The following PACRG variants were observed in gnomAD, a reference collection of about 807,000 sequenced individuals.
PACRG encodes parkin coregulated.
PACRG carries 29 observed loss-of-function variants against 29.7 expected under a neutral mutation model. The ratio of observed to expected loss-of-function variants is 0.98; its 90% CI spans 0.73 to 1.33. The LOEUF (loss-of-function observed/expected upper bound fraction) is 1.33, where lower values mean the gene tolerates loss of function less well. Among genes scored for constraint, PACRG ranks in the 40% most tolerant of loss-of-function variants. PACRG has a pLI of 0.00. For missense variants in PACRG, 279 were observed against 316.2 expected (o/e 0.88, Z 0.89); for synonymous variants, 116 against 118.7 (o/e 0.98, Z 0.15).
At chr6:163,151,634 A>G (rs1778096832) in intron 4 of PACRG, among the ~76,000 whole-genome samples, 1 of 152,234 alleles carries the variant, frequency 6.6e-6, no homozygotes, top group South Asian at 2.1e-4. Flanking sequence ...AGATAGAATT[A>G]TCTCACTTTT....
At chr6:162,917,199 G>A (rs2048695) in intron 2 of PACRG, among the ~76,000 whole-genome samples, 69,938 of 151,882 alleles carry the variant, frequency 0.46, 17,281 homozygotes, top group Middle Eastern at 0.54. Flanking sequence ...GGCCAATAAT[G>A]TCTCCATTAT....
chr6:163,263,178 T>TTCAAACCCGTTACTTGCG (rs1464950009), intron 4 of PACRG, among the ~76,000 whole-genome samples: 2 of 146,074 alleles, frequency 1.4e-5, no homozygotes, highest in Non-Finnish European at 3.0e-5. Context: ...CAGGAGGCCT[T>TTCAAACCCGTTACTTGCG]TCAAACCCGT....
At chr6:162,908,560 CT>C (rs1796089975) in intron 2 of PACRG, among the ~76,000 whole-genome samples, 1 of 152,232 alleles carries the variant, frequency 6.6e-6, no homozygotes, top group Admixed American at 6.5e-5. Context: ...ATTCTACAAC[CT>C]CAGTAGAGAC....
rs539506237 is a variant in PACRG at position 162,943,203 on chromosome 6, A to G, written c.292-118947A>G. On this transcript the variant is annotated intron_variant, in intron 2 of 4. Transcript: ENST00000366888. ...CCCTTATGTCTTAAGTGGCTACAAC[A>G]AAGTGCCACTTTGAGAGCCCAGCCC... is the stretch of plus-strand genomic sequence containing the variant. Among the ~76,000 whole-genome samples, 14 of 152,276 alleles carry G rather than the reference A, an allele frequency of 9.2e-5. No homozygotes were observed. In the East Asian group the frequency reaches 2.7e-3, roughly 30 times the overall value.
chr6:163,219,592 C>T (rs13197722), intron 4 of PACRG, among the ~76,000 whole-genome samples: 46,413 of 152,032 alleles, frequency 0.31, 7,638 homozygotes, highest in East Asian at 0.6. Flanking sequence ...AAATCCTCCT[C>T]CCCACTGCGG....
At chr6:162,973,674 C>T (rs1801713437) in intron 2 of PACRG, among the ~76,000 whole-genome samples, 1 of 152,062 alleles carries the variant, frequency 6.6e-6, no homozygotes, top group South Asian at 2.1e-4. Context: ...TTATGTTGTA[C>T]TAAGTCATTG....
At chr6:163,273,081 G>C (rs1482087954) in intron 4 of PACRG, among the ~76,000 whole-genome samples, 1 of 148,036 alleles carries the variant, frequency 6.8e-6, no homozygotes, top group Admixed American at 6.6e-5. Context: ...TTTTAGTAGA[G>C]ACGGGGTTTC....
At chr6:162,852,805 AT>A (rs1426281797) in intron 2 of PACRG, among the ~76,000 whole-genome samples, 7 of 152,248 alleles carry the variant, frequency 4.6e-5, no homozygotes, top group Admixed American at 3.9e-4. Flanking sequence ...TATCCTGAGA[AT>A]TATATGCCAA....
intron 2 of PACRG, among the ~76,000 whole-genome samples, chr6:163,040,852 T>C (rs1428320188): frequency 2.0e-5 from 3 of 152,216 alleles, no homozygotes; most frequent in African/African-American, 7.2e-5. Context: ...GGAAGGTACT[T>C]GCCTTTTTTC....
chr6:162,812,091 G>T (rs1008552616), intron 1 of PACRG, among the ~76,000 whole-genome samples: 3 of 152,080 alleles, frequency 2.0e-5, no homozygotes, highest in African/African-American at 7.2e-5. Context: ...GAAGGTTAAG[G>T]GGAAGAAAGA....
chr6:162,814,372 C>G, intron 2 of PACRG, 91 bp downstream of exon 2: 1 of 1,494,324 alleles, frequency 6.7e-7, no homozygotes, highest in Non-Finnish European at 9.1e-7. Flanking sequence ...AGTAAATAAA[C>G]TGGAGTCATT....
chr6:163,096,371 G>A (rs991036418), intron 4 of PACRG, among the ~76,000 whole-genome samples: 5 of 152,104 alleles, frequency 3.3e-5, no homozygotes, highest in African/African-American at 1.2e-4. Context: ...CTGCCTAAAG[G>A]GGTTTGTACC....
chr6:162,747,432 GTAAAACTA>G (rs1303760466), intron 1 of PACRG, among the ~76,000 whole-genome samples: 1 of 66,754 alleles, frequency 1.5e-5, no homozygotes, highest in African/African-American at 6.7e-5. Flanking sequence ...AAATATATAT[GTAAAACTA>G]TATATATATA....
chr6:163,072,983 T>C (rs1812212768), intron 3 of PACRG, among the ~76,000 whole-genome samples: 1 of 152,156 alleles, frequency 6.6e-6, no homozygotes, highest in Admixed American at 6.5e-5. Context: ...ATATTTTATG[T>C]TCACGAATTG....
Position 163,179,479 on chromosome 6 carries a change from T to C in PACRG, c.613+90071T>C. 2 of 271,136 alleles carry C rather than the reference T, an allele frequency of 7.4e-6. 1 individual carries two copies. Among genetic ancestry groups the C allele is most frequent in the Admixed American group, 9.2e-5 (2 of 21,838 alleles). 16.8% of individuals were successfully genotyped at this position (271,136 alleles called of 1,614,324 possible). On this transcript the variant is annotated intron_variant, in intron 4 of 4. Transcript: ENST00000366888. ...CTTTGGGAGGCTGATGAAGGTGGAT[T>C]GCTTCAGCCCGGGAAGGAGTTCCAG...
At chr6:162,975,298 T>C (rs936707907) in intron 2 of PACRG, among the ~76,000 whole-genome samples, 23 of 152,206 alleles carry the variant, frequency 1.5e-4, no homozygotes, top group Non-Finnish European at 2.6e-4. Context: ...AAAGACAATA[T>C]TGTAAATATA....
intron 4 of PACRG, among the ~76,000 whole-genome samples, chr6:163,106,714 A>T (rs1354568504): frequency 6.6e-6 from 1 of 152,248 alleles, no homozygotes; most frequent in African/African-American, 2.4e-5. Flanking sequence ...CTTGTACATG[A>T]TGATGTAGAT....
intron 4 of PACRG, among the ~76,000 whole-genome samples, chr6:163,233,484 C>T (rs1013686270): frequency 5.9e-5 from 9 of 152,180 alleles, no homozygotes; most frequent in African/African-American, 1.9e-4. Flanking sequence ...GGCTAAATGA[C>T]TTTTGCATGC....
At chr6:163,140,308 A>G (rs1249871257) in intron 4 of PACRG, among the ~76,000 whole-genome samples, 3 of 152,082 alleles carry the variant, frequency 2.0e-5, no homozygotes, top group African/African-American at 7.2e-5. Context: ...GCCTCCTGAG[A>G]TCTCAGTTGA....
Sources: allele counts gnomAD v4.1 joint callset (sites outside exome capture counted in the v4.1 genomes callset), GRCh38; gene constraint gnomAD v4.1.1; transcripts MANE v1.5; gene names NCBI Gene and HGNC (gene_info 2026-07-23, HGNC 2026-07-21).